Variants in GAB2 observed in about 807,000 individuals in gnomAD.
The protein encoded by GAB2 is GRB2-associated-binding protein 2.
Under a neutral mutation model 65.5 loss-of-function variants are expected in GAB2, and 26 were observed. The ratio of observed to expected loss-of-function variants is 0.40; its 90% CI spans 0.29 to 0.55. The LOEUF (loss-of-function observed/expected upper bound fraction) is 0.55. GAB2 is among the 20% of genes least tolerant of loss of function. The pLI is 0.53. For synonymous variants in GAB2, 321 were observed against 329.6 expected (o/e 0.97, Z 0.28); for missense variants, 884 against 875.8 (o/e 1.01, Z -0.12).
chr11:78,347,737 T>C (rs1856213171), intron 1 of GAB2, among the ~76,000 whole-genome samples: 1 of 152,000 alleles, frequency 6.6e-6, no homozygotes, highest in Non-Finnish European at 1.5e-5. Flanking sequence ...AAAGCATAAA[T>C]CATAAAAGAA....
chr11:78,410,264 G>A (rs898191678), intron 1 of GAB2, among the ~76,000 whole-genome samples: 1 of 152,232 alleles, frequency 6.6e-6, no homozygotes, highest in Admixed American at 6.5e-5. Flanking sequence ...AGCACTTTGG[G>A]AGGCCAAAGC....
At chr11:78,219,656 C>T (rs565386995) in intron 9 of GAB2, among the ~76,000 whole-genome samples, 17 of 152,294 alleles carry the variant, frequency 1.1e-4, no homozygotes, top group African/African-American at 2.2e-4. Context: ...TCTTACTTCC[C>T]GGCTTCTGGG....
intron 1 of GAB2, among the ~76,000 whole-genome samples, chr11:78,417,194 T>G (rs1263140417): frequency 2.3e-4 from 35 of 151,992 alleles, no homozygotes; most frequent in African/African-American, 8.2e-4. Context: ...GGAGAGGGCG[T>G]GAGGCGCTCG....
intron 2 of GAB2, among the ~76,000 whole-genome samples, chr11:78,267,635 G>A (rs1865902984): frequency 6.6e-6 from 1 of 151,962 alleles, no homozygotes; most frequent in Admixed American, 6.6e-5. Context: ...GAGGCGGGTA[G>A]ATGACGAGGT....
intron 1 of GAB2, among the ~76,000 whole-genome samples, chr11:78,374,038 C>T (rs1856604029): frequency 6.6e-6 from 1 of 152,180 alleles, no homozygotes; most frequent in South Asian, 2.1e-4. Flanking sequence ...AGGTTGCCTT[C>T]TATGGGACCC....
At chr11:78,345,656 C>G (rs930023439) in intron 1 of GAB2, among the ~76,000 whole-genome samples, 4 of 152,164 alleles carry the variant, frequency 2.6e-5, no homozygotes, top group Non-Finnish European at 4.4e-5. Context: ...ACGCCTTGAG[C>G]TGCATCTCAA....
At chr11:78,385,892 G>A (rs142194225) in intron 1 of GAB2, among the ~76,000 whole-genome samples, 2 of 152,148 alleles carry the variant, frequency 1.3e-5, no homozygotes, top group East Asian at 3.8e-4. Context: ...ATTCAGCATT[G>A]CATCTTTCAT....
At chr11:78,380,456 G>A (rs905741212) in intron 1 of GAB2, among the ~76,000 whole-genome samples, 6 of 152,030 alleles carry the variant, frequency 3.9e-5, no homozygotes, top group African/African-American at 7.2e-5. Context: ...CGCCTGCCTC[G>A]GCCTCCCAAA....
rs1320081166 is a variant in GAB2, at chr11:78,346,688, T to C, written c.76-65787A>G. Among the ~76,000 whole-genome samples, 28 of 55,908 alleles carry C rather than the reference T, an allele frequency of 5.0e-4. 2 individuals carry two copies. Among genetic ancestry groups the C allele is most frequent in the African/African-American group, 2.2e-3 (27 of 12,036 alleles). 36.7% of individuals were successfully genotyped at this position (55,908 alleles called of 152,430 possible). A position where few individuals can be genotyped will look rare whatever the true frequency, so the allele number is the denominator to read the frequency against. On this transcript the variant is annotated intron_variant, in intron 1 of 9. Coordinates refer to ENST00000361507, the MANE Select transcript of GAB2 (RefSeq NM_080491.3). The stretch of plus-strand genomic sequence containing the variant: ...TACATCCCCTCCATATATATATATA[T>C]ATATATATATATATATATATATATA...
At chr11:78,375,146 G>C (rs541986226) in intron 1 of GAB2, among the ~76,000 whole-genome samples, 5 of 152,280 alleles carry the variant, frequency 3.3e-5, no homozygotes, top group African/African-American at 1.2e-4. Context: ...CTGGGCTCAA[G>C]CAATCCTCCC....
At chr11:78,286,649 C>T (rs564937053) in intron 1 of GAB2, among the ~76,000 whole-genome samples, 58 of 151,652 alleles carry the variant, frequency 3.8e-4, no homozygotes, top group African/African-American at 1.3e-3. Context: ...TAAGCTTTCA[C>T]AGTAGGAAGT....
At chr11:78,379,394 G>T (rs999513983) in intron 1 of GAB2, among the ~76,000 whole-genome samples, 1 of 152,190 alleles carries the variant, frequency 6.6e-6, no homozygotes, top group African/African-American at 2.4e-5. Flanking sequence ...AATGTCCTTG[G>T]CTGTCTTTCT....
chr11:78,298,378 CAT>C (rs369183253), intron 1 of GAB2, among the ~76,000 whole-genome samples: 25 of 152,288 alleles, frequency 1.6e-4, no homozygotes, highest in African/African-American at 2.6e-4. Context: ...ATCACAGTCA[CAT>C]CTCTCTGACA....
intron 1 of GAB2, among the ~76,000 whole-genome samples, chr11:78,322,521 C>T (rs1001010375): frequency 1.3e-5 from 2 of 151,574 alleles, no homozygotes; most frequent in African/African-American, 4.8e-5. Flanking sequence ...AAAGAGACAA[C>T]CTACAGAATG....
intron 1 of GAB2, among the ~76,000 whole-genome samples, chr11:78,294,350 A>G (rs190998816): frequency 3.5e-4 from 54 of 152,256 alleles, no homozygotes; most frequent in African/African-American, 1.3e-3. Context: ...AGTCTTTACT[A>G]TTGTGAATAG....
intron 1 of GAB2, among the ~76,000 whole-genome samples, chr11:78,289,199 A>C (rs1866578443): frequency 6.6e-6 from 1 of 152,236 alleles, no homozygotes; most frequent in Non-Finnish European, 1.5e-5. Flanking sequence ...CAGGAGTTCG[A>C]GATTGGCCTG....
At chr11:78,253,652 C>T (rs2511167) in intron 2 of GAB2, among the ~76,000 whole-genome samples, 30,283 of 151,990 alleles carry the variant, frequency 0.2, 3,254 homozygotes, top group East Asian at 0.4. Context: ...ACCTGTGCTT[C>T]CCTGTGTTTC....
chr11:78,279,712 C>G (rs1866278616), intron 2 of GAB2, among the ~76,000 whole-genome samples: 1 of 152,090 alleles, frequency 6.6e-6, no homozygotes, highest in African/African-American at 2.4e-5. Flanking sequence ...AAAGATGGTC[C>G]TCTCTGTCTT....
chr11:78,407,769 A>T (rs1233065025), intron 1 of GAB2, among the ~76,000 whole-genome samples: 2 of 151,750 alleles, frequency 1.3e-5, no homozygotes, highest in Admixed American at 1.3e-4. Flanking sequence ...AGAAAGAAAG[A>T]GAGAGAAAGA....
Sources: allele counts gnomAD v4.1 joint callset (sites outside exome capture counted in the v4.1 genomes callset), GRCh38; gene constraint gnomAD v4.1.1; transcripts MANE v1.5; gene names NCBI Gene and HGNC (gene_info 2026-07-23, HGNC 2026-07-21).